SUGCT: variants seen among roughly 807,000 people sequenced by gnomAD.
SUGCT encodes the protein succinyl-CoA:glutarate CoA-transferase.
Under a neutral mutation model 55.0 loss-of-function variants are expected in SUGCT, and 41 were observed. The observed-to-expected ratio is 0.74, with a 90% CI of 0.58 to 0.97. The LOEUF (loss-of-function observed/expected upper bound fraction) is 0.97. SUGCT is among the 50% of genes least tolerant of loss of function. The pLI, the probability that SUGCT is intolerant of heterozygous loss-of-function variation, is 0.00. For synonymous variants in SUGCT, 187 were observed against 200.4 expected, an observed-to-expected ratio of 0.93 and a Z score of 0.56; for missense variants, 568 against 547.8, an observed-to-expected ratio of 1.04 and a Z score of -0.37.
At chr7:40,626,205 C>T (rs1197341239) in intron 12 of SUGCT, among the ~76,000 whole-genome samples, 1 of 152,050 alleles carries the variant, frequency 6.6e-6, no homozygotes, top group Non-Finnish European at 1.5e-5. Flanking sequence ...TTCCCCCAGA[C>T]TCTGTGTTAT....
At chr7:40,572,690 TA>T (rs1167023492) in intron 12 of SUGCT, among the ~76,000 whole-genome samples, 1 of 152,226 alleles carries the variant, frequency 6.6e-6, no homozygotes, top group African/African-American at 2.4e-5. Flanking sequence ...TCCTAATGTT[TA>T]AAGTATTAAC....
intron 9 of SUGCT, among the ~76,000 whole-genome samples, chr7:40,319,087 CTGTT>C (rs1795592210): frequency 6.6e-6 from 1 of 152,024 alleles, no homozygotes; most frequent in African/African-American, 2.4e-5. Context: ...CTGTGTTTGT[CTGTT>C]CTTCAATGAT....
At position 40,202,821 on chromosome 7, in the gene SUGCT, G is replaced by T. The variant is rs189377024; in HGVS notation, c.484+7761G>T. On this transcript the variant is annotated intron_variant, in intron 6 of 13. Transcript: ENST00000335693. ...CTTGTCCTATAGGCAGCCCTCATGG[G>T]TAGAATTCCTTTTCAGATAAACTCC... Among the ~76,000 whole-genome samples the T allele has an allele frequency of 1.2e-3, 182 of 152,282 alleles. 1 individual carries two copies. Among genetic ancestry groups the T allele is most frequent in the African/African-American group, 4.2e-3 (176 of 41,562 alleles).
At chr7:40,299,814 C>G (rs201736189) in intron 8 of SUGCT, among the ~76,000 whole-genome samples, 1 of 152,010 alleles carries the variant, frequency 6.6e-6, no homozygotes, top group Non-Finnish European at 1.5e-5. Flanking sequence ...TTTTTGGAAT[C>G]AACAATTTTT....
chr7:40,183,517 A>T (rs902530767), intron 3 of SUGCT, among the ~76,000 whole-genome samples: 13 of 151,954 alleles, frequency 8.6e-5, no homozygotes, highest in Admixed American at 2.6e-4. Flanking sequence ...AATAATAAAA[A>T]TTTTTTTGTG....
chr7:40,290,005 A>G (rs577063914), intron 8 of SUGCT, among the ~76,000 whole-genome samples: 3 of 152,296 alleles, frequency 2.0e-5, no homozygotes, highest in East Asian at 1.9e-4. Flanking sequence ...GAAATAAAAG[A>G]GGATACAAAC....
intron 13 of SUGCT, among the ~76,000 whole-genome samples, chr7:40,825,726 C>T (rs965755558): frequency 5.9e-5 from 9 of 152,034 alleles, no homozygotes; most frequent in African/African-American, 1.4e-4. Context: ...CTCAGCCATC[C>T]GACGGTCCAA....
In SUGCT at chr7:40,666,419, G is replaced by GTTTTTTT. The variant is rs70990637; in HGVS notation, c.1090-82996_1090-82990dup. ...AGAAAGAAAGTAGGGTTATAGGTTA[G>GTTTTTTT]TTTTTTTTTTTTTTTTTTTTTTTTT... is the stretch of plus-strand genomic sequence containing the variant. On this transcript the variant is annotated intron_variant, in intron 12 of 13. Coordinates refer to ENST00000335693, the MANE Select transcript of SUGCT (RefSeq NM_001193313.2). 1.5e-4 allele frequency among the ~76,000 whole-genome samples: 11 copies of GTTTTTTT among 72,234 alleles called. 1 individual carries two copies. The highest frequency in any genetic ancestry group is 8.7e-4 in the East Asian group (2 of 2,312). 47.4% of individuals were successfully genotyped at this position (72,234 alleles called of 152,430 possible). A position where few individuals can be genotyped will look rare whatever the true frequency, so the allele number is the denominator to read the frequency against.
intron 8 of SUGCT, among the ~76,000 whole-genome samples, chr7:40,303,215 G>T (rs1354136598): frequency 6.6e-6 from 1 of 151,324 alleles, no homozygotes; most frequent in Non-Finnish European, 1.5e-5. Context: ...TGTGTTTTTA[G>T]TAGAGATGGG....
At position 40,505,234 on chromosome 7, in the gene SUGCT, T is replaced by G. The variant is rs1376662414; in HGVS notation, c.1089+8848T>G. On this transcript the variant is annotated intron_variant, in intron 12 of 13. Transcript: ENST00000335693. ...TACATCCTTTTATTTCCAACCTGTT[T>G]GTAACTTTGATTCTAAAGTATGTCT... 3.9e-5 allele frequency among the ~76,000 whole-genome samples: 6 copies of G among 152,200 alleles called. No individual in the cohort carries two copies. In the East Asian group the frequency reaches 1.2e-3, roughly 29 times the overall value.
chr7:40,770,405 C>G (rs1789033358), intron 13 of SUGCT, among the ~76,000 whole-genome samples: 1 of 152,126 alleles, frequency 6.6e-6, no homozygotes, highest in Non-Finnish European at 1.5e-5. Flanking sequence ...ATTGCTCCAC[C>G]TTCCCTGGAA....
At chr7:40,250,079 G>T (rs1298279493) in intron 7 of SUGCT, among the ~76,000 whole-genome samples, 1 of 152,032 alleles carries the variant, frequency 6.6e-6, no homozygotes, top group African/African-American at 2.4e-5. Context: ...GAGCCACTGC[G>T]CCCGGCTTAA....
intron 12 of SUGCT, among the ~76,000 whole-genome samples, chr7:40,580,941 G>A (rs1050515053): frequency 2.0e-5 from 3 of 152,132 alleles, no homozygotes; most frequent in African/African-American, 7.2e-5. Flanking sequence ...TATGATGTTT[G>A]CAAAATGATG....
intron 13 of SUGCT, among the ~76,000 whole-genome samples, chr7:40,818,392 G>C (rs952754853): frequency 2.0e-5 from 3 of 152,204 alleles, no homozygotes; most frequent in Non-Finnish European, 4.4e-5. Flanking sequence ...TGAATCACTT[G>C]TGTTGCCTCA....
chr7:40,983,893 G>T, the SUGCT span, among the ~76,000 whole-genome samples: 3 of 152,116 alleles, frequency 2.0e-5, no homozygotes, highest in Non-Finnish European at 2.9e-5. Flanking sequence ...AATCAATTTT[G>T]TCTATCCTAA....
At chr7:40,235,764 G>A (rs1788977546) in intron 6 of SUGCT, among the ~76,000 whole-genome samples, 1 of 152,182 alleles carries the variant, frequency 6.6e-6, no homozygotes, top group Non-Finnish European at 1.5e-5. Flanking sequence ...TTAGTAGGGA[G>A]GAGACAAAAT....
At chr7:40,580,170 G>C (rs558655150) in intron 12 of SUGCT, among the ~76,000 whole-genome samples, 7 of 152,176 alleles carry the variant, frequency 4.6e-5, no homozygotes, top group Non-Finnish European at 8.8e-5. Flanking sequence ...ACATGAGCGT[G>C]AACAAGGTAT....
intron 12 of SUGCT, among the ~76,000 whole-genome samples, chr7:40,555,350 A>G (rs1192826186): frequency 4.0e-5 from 6 of 151,680 alleles, no homozygotes; most frequent in Non-Finnish European, 5.9e-5. Flanking sequence ...CTGAGCCTCA[A>G]GCTTGTTCTT....
chr7:40,552,940 G>A (rs138855651), intron 12 of SUGCT, among the ~76,000 whole-genome samples: 477 of 152,146 alleles, frequency 3.1e-3, no homozygotes, highest in Middle Eastern at 6.8e-3. Flanking sequence ...TGCATCTTTC[G>A]TTCCCTATTC....
Sources: allele counts gnomAD v4.1 joint callset (sites outside exome capture counted in the v4.1 genomes callset), GRCh38; gene constraint gnomAD v4.1.1; transcripts MANE v1.5; gene names NCBI Gene and HGNC (gene_info 2026-07-23, HGNC 2026-07-21).